PRDM1: variants seen among roughly 807,000 people sequenced by gnomAD.
The protein encoded by PRDM1 is PR domain zinc finger protein 1.
A neutral mutation model predicts 62.8 loss-of-function variants in PRDM1; 13 were observed. That is an observed-to-expected ratio of 0.21 (90% CI 0.13 to 0.33). The LOEUF (loss-of-function observed/expected upper bound fraction) is 0.33. Ranked by LOEUF, PRDM1 falls within the 10% of genes least tolerant of loss-of-function variation. The pLI is 1.00. For missense variants in PRDM1, 895 were observed against 1,058.8 expected (o/e 0.85, Z 2.15); for synonymous variants, 396 against 417.6 (o/e 0.95, Z 0.63).
intron 2 of PRDM1, among the ~76,000 whole-genome samples, chr6:106,093,055 C>T (rs551108588): frequency 6.6e-6 from 1 of 152,324 alleles, no homozygotes; most frequent in South Asian, 2.1e-4. Flanking sequence ...ATAGACCTCT[C>T]TTCTACCACA....
chr6:106,091,497 T>C (rs1562166314), intron 2 of PRDM1, among the ~76,000 whole-genome samples: 1 of 152,180 alleles, frequency 6.6e-6, no homozygotes. Flanking sequence ...AATGGGGTGA[T>C]TGCCGGGCGC....
intron 1 of PRDM1, among the ~76,000 whole-genome samples, chr6:106,068,416 A>G (rs1401505434): frequency 6.6e-6 from 1 of 152,122 alleles, no homozygotes; most frequent in Non-Finnish European, 1.5e-5. Context: ...CAGAGTAGCA[A>G]CTGTTCTCAG....
intron 1 of PRDM1, among the ~76,000 whole-genome samples, chr6:106,036,047 C>T (rs1384462333): frequency 2.6e-5 from 4 of 151,912 alleles, no homozygotes; most frequent in African/African-American, 4.8e-5. Context: ...TGATTACAGG[C>T]GTGAGTCACT....
In PRDM1 at chr6:106,033,071, G is replaced by GT. The variant is rs11309393; in HGVS notation, c.-67+39443dup. ...GCTTAGAGATAACAAAACATGGGTA[G>GT]TTTTTTTTTTTCAATTTTTAAATTG... On this transcript the variant is annotated intron_variant, in intron 1 of 6. Coordinates refer to the PRDM1 transcript ENST00000652320. Among the ~76,000 whole-genome samples, 1,473 of 149,612 alleles carry GT rather than the reference G, an allele frequency of 9.8e-3. 16 individuals are homozygous for GT. The highest frequency in any genetic ancestry group is 0.021 in the Admixed American group (315 of 15,028).
intron 3 of PRDM1, 166 bp from the exon 4 acceptor site, chr6:106,099,134 T>C: frequency 6.2e-7 from 1 of 1,610,540 alleles, no homozygotes; most frequent in Non-Finnish European, 8.5e-7. Context: ...TCCGCCCTGA[T>C]TTCTGCTGAT....
chr6:106,076,717 G>A (rs1773611084), intron 1 of PRDM1, among the ~76,000 whole-genome samples: 2 of 152,188 alleles, frequency 1.3e-5, no homozygotes, highest in Non-Finnish European at 2.9e-5. Context: ...TATGCAAAAT[G>A]GTTGCATAAC....
At position 106,095,688 on chromosome 6, in the gene PRDM1, C is replaced by A. The variant is rs767701088; in HGVS notation, c.365C>A (p.Thr122Asn). The A allele has an allele frequency of 3.1e-6, 5 of 1,614,054 alleles. No individual in the cohort carries two copies. The highest frequency in any genetic ancestry group is 4.2e-6 in the Non-Finnish European group (5 of 1,179,942). ...GGACCCCTAATAGGTGAAATCTACA[C>A]CAATGACACAGTTCCTAAGAACGCC... ...RFGPLIGEIY[T>N]NDTVPKNANR... Residue 122 changes from threonine (T) to asparagine (N), a missense_variant, in exon 3 of 7, where the codon ACC becomes AAC. By Grantham distance (65) the Thr-to-Asn change is moderately conservative. Around this residue, in one of 4 missense-constraint regions of PRDM1, gnomAD observed 213 missense variants for 283.9 expected, o/e 0.75. Transcript: ENST00000369096.
chr6:106,024,961 C>G (rs1204102039), intron 1 of PRDM1, among the ~76,000 whole-genome samples: 1 of 152,006 alleles, frequency 6.6e-6, no homozygotes, highest in Non-Finnish European at 1.5e-5. Flanking sequence ...CTTGTGAATG[C>G]CAAATATTCA....
At chr6:106,063,508 T>C (rs1024960186) in intron 1 of PRDM1, among the ~76,000 whole-genome samples, 2 of 152,190 alleles carry the variant, frequency 1.3e-5, no homozygotes, top group East Asian at 3.8e-4. Flanking sequence ...ATATTTTCTC[T>C]GGGGCATCTC....
intron 1 of PRDM1, among the ~76,000 whole-genome samples, chr6:106,017,602 GT>G (rs973274396): frequency 8.5e-5 from 13 of 152,220 alleles, no homozygotes; most frequent in African/African-American, 2.9e-4. Context: ...AGTTCACACA[GT>G]TGCTTGGCCA....
At chr6:106,016,735 A>G (rs981669522) in intron 1 of PRDM1, among the ~76,000 whole-genome samples, 2 of 142,424 alleles carry the variant, frequency 1.4e-5, no homozygotes, top group African/African-American at 2.7e-5. Context: ...TGCAACCTCC[A>G]GCTCCTGGGT....
chr6:106,105,734 C>A lies in PRDM1; in HGVS notation c.1574C>A (p.Ala525Glu). 1 of 1,614,050 alleles carries A rather than the reference C, an allele frequency of 6.2e-7. No homozygotes were observed. Among genetic ancestry groups the A allele is most frequent in the Non-Finnish European group, 8.5e-7 (1 of 1,180,004 alleles). Residue 525 changes from alanine (A) to glutamate (E), a missense_variant, in exon 5 of 7, where the codon GCA (alanine) becomes GAA (glutamate). Physicochemically the swap from Ala to Glu is moderately radical, Grantham distance 107. This residue lies in a region of PRDM1 where 444 missense variants were observed against 422.7 expected (regional missense o/e 1.05). Transcript: ENST00000369096. ...CCCACGGCGGGAACAGCCGCCACGGCAGAACATGTGGTGCAGCCCAAAGCT... is the reference window on the plus strand; with the variant it reads ...CCCACGGCGGGAACAGCCGCCACGGAAGAACATGTGGTGCAGCCCAAAGCT... ...GSPTAGTAAT[A>E]EHVVQPKATS...
At chr6:106,074,672 G>A (rs938728540) in intron 1 of PRDM1, among the ~76,000 whole-genome samples, 1 of 152,068 alleles carries the variant, frequency 6.6e-6, no homozygotes, top group Non-Finnish European at 1.5e-5. Flanking sequence ...GGGGGACGAG[G>A]GGGGATATAA....
At chr6:106,006,695 T>C (rs1296703739) in intron 1 of PRDM1, among the ~76,000 whole-genome samples, 1 of 151,936 alleles carries the variant, frequency 6.6e-6, no homozygotes, top group East Asian at 1.9e-4. Flanking sequence ...CTTCCTTCTT[T>C]CCAGTTTTTT....
At chr6:106,096,381 C>T (rs762622794) in intron 3 of PRDM1, among the ~76,000 whole-genome samples, 1 of 152,082 alleles carries the variant, frequency 6.6e-6, no homozygotes, top group Non-Finnish European at 1.5e-5. Context: ...CTCTGGACCT[C>T]GTGATCCGCC....
At chr6:106,030,189 G>T (rs949510671) in intron 1 of PRDM1, among the ~76,000 whole-genome samples, 5 of 151,980 alleles carry the variant, frequency 3.3e-5, no homozygotes, top group Non-Finnish European at 5.9e-5. Flanking sequence ...TTGTTTTTGA[G>T]ACACAGTCTT....
chr6:106,106,487 A>C lies in PRDM1; in HGVS notation c.1890A>C (p.Pro630=), dbSNP rs1562175560. Residue 630 remains proline (P), a synonymous_variant, in exon 6 of 7, where the codon CCA becomes CCC. Transcript: ENST00000369096. The surrounding 1 kb of genome is among the most constrained non-coding windows in gnomAD (Gnocchi z 4.4). ...ACCTGGTACACACGGGAGAAAAGCC[A>C]CATGAATGCCAGGTGCGCAGTATTT... ...KHYLVHTGEK[P]HECQVCHKRF... 1 of 1,614,186 alleles carries C rather than the reference A, an allele frequency of 6.2e-7. No individual in the cohort carries two copies. Among genetic ancestry groups the C allele is most frequent in the East Asian group, 2.2e-5 (1 of 44,884 alleles).
intron 1 of PRDM1, among the ~76,000 whole-genome samples, chr6:106,055,704 C>T (rs1009948875): frequency 7.9e-5 from 12 of 152,160 alleles, no homozygotes; most frequent in African/African-American, 2.2e-4. Context: ...GACATTTCAC[C>T]AATTGAACAT....
At position 105,994,821 on chromosome 6, in the gene PRDM1, T is replaced by C. The variant is rs947083050; in HGVS notation, c.-67+1182T>C. Among the ~76,000 whole-genome samples, 9 of 152,124 alleles carry C rather than the reference T, an allele frequency of 5.9e-5. No homozygotes were observed. The highest frequency in any genetic ancestry group is 1.3e-4 in the Admixed American group (2 of 15,280). ...GCTGGGTGTGCAAACCGAAAACAGTTTGTCAGCCCTCCAGTCCCGCCGCGT... is the reference window on the plus strand; with the variant it reads ...GCTGGGTGTGCAAACCGAAAACAGTCTGTCAGCCCTCCAGTCCCGCCGCGT... On this transcript the variant is annotated intron_variant, in intron 1 of 6. Coordinates refer to the PRDM1 transcript ENST00000652320. The surrounding 1 kb of genome is among the most constrained non-coding windows in gnomAD (Gnocchi z 4.1).
Sources: gnomAD v4.1 joint callset for allele counts (sites outside exome capture counted in the v4.1 genomes callset) on GRCh38, gnomAD v4.1.1 for gene constraint, gnomAD v4.1.1 regional missense constraint, Gnocchi (gnomAD v3.1) non-coding constraint, MANE v1.5 for transcripts, NCBI Gene and HGNC (gene_info 2026-07-23, HGNC 2026-07-21) for gene names.